ZFHX3: variants seen among roughly 807,000 people sequenced by gnomAD.
ZFHX3 encodes the protein zinc finger homeobox protein 3.
ZFHX3 carries 42 observed loss-of-function variants against 279.1 expected under a neutral mutation model. The ratio of observed to expected loss-of-function variants is 0.15; its 90% CI spans 0.12 to 0.19. ZFHX3 has a LOEUF of 0.19. Among genes scored for constraint, ZFHX3 ranks in the 10% least tolerant of loss-of-function variants. The pLI, the probability that ZFHX3 is intolerant of heterozygous loss-of-function variation, is 1.00. For synonymous variants in ZFHX3, 2,293 were observed against 1,957.8 expected, an observed-to-expected ratio of 1.17 and a Z score of -4.52; for missense variants, 4,981 against 4,754.0, an observed-to-expected ratio of 1.05 and a Z score of -1.40.
intron 1 of ZFHX3, among the ~76,000 whole-genome samples, chr16:73,006,454 T>G (rs530686831): frequency 6.6e-6 from 1 of 151,308 alleles, no homozygotes; most frequent in Admixed American, 6.6e-5. Context: ...GAGACCCCAA[T>G]CTCTATGAAA....
At position 73,667,387 on chromosome 16, in the gene ZFHX3, C is replaced by T. The variant is rs545223721; in HGVS notation, c.-1547+12793G>A. Among the ~76,000 whole-genome samples, 23 of 152,296 alleles carry T rather than the reference C, an allele frequency of 1.5e-4. No individual in the cohort carries two copies. In the East Asian group the frequency reaches 1.7e-3, roughly 11 times the overall value. On this transcript the variant is annotated intron_variant, in intron 2 of 17. Transcript: ENST00000641206. ...TAAAGCCACTGTAAATGTTAACATA[C>T]GCTTTTGTGTGAACATAAGTTTTTA... is the stretch of plus-strand genomic sequence containing the variant.
At chr16:73,787,401 T>G (rs1469024675) in intron 1 of ZFHX3, among the ~76,000 whole-genome samples, 1 of 152,174 alleles carries the variant, frequency 6.6e-6, no homozygotes, top group Admixed American at 6.5e-5. Context: ...AGCGGCCCCA[T>G]GCGTCCCATT....
At chr16:72,942,886 T>C (rs1161190127) in intron 3 of ZFHX3, among the ~76,000 whole-genome samples, 1 of 152,302 alleles carries the variant, frequency 6.6e-6, no homozygotes, top group Middle Eastern at 3.4e-3. Flanking sequence ...AAATTTTCTT[T>C]TGGGGAACAT....
intron 3 of ZFHX3, among the ~76,000 whole-genome samples, chr16:73,373,529 C>T (rs1379953248): frequency 6.6e-6 from 1 of 152,156 alleles, no homozygotes; most frequent in Non-Finnish European, 1.5e-5. Context: ...GGATCCTGTC[C>T]CCTTCCAGTT....
At chr16:73,860,434 G>GAGTA (rs999902122) in intron 1 of ZFHX3, among the ~76,000 whole-genome samples, 1 of 151,012 alleles carries the variant, frequency 6.6e-6, no homozygotes, top group African/African-American at 2.4e-5. Flanking sequence ...CAATCACGAG[G>GAGTA]AGTAGTAAAG....
intron 3 of ZFHX3, among the ~76,000 whole-genome samples, chr16:73,430,909 T>C (rs536294058): frequency 2.6e-5 from 4 of 152,342 alleles, no homozygotes; most frequent in Admixed American, 2.6e-4. Context: ...GCCCAGCACA[T>C]TGTTGGGACA....
At chr16:73,166,117 G>C (rs1967358869) in intron 5 of ZFHX3, among the ~76,000 whole-genome samples, 1 of 152,156 alleles carries the variant, frequency 6.6e-6, no homozygotes, top group African/African-American at 2.4e-5. Context: ...AGTCGCATTG[G>C]ACCTAAGTAA....
chr16:73,375,928 G>A (rs960661118), intron 3 of ZFHX3, among the ~76,000 whole-genome samples: 3 of 152,010 alleles, frequency 2.0e-5, no homozygotes, highest in Admixed American at 1.3e-4. Context: ...TACACCGTTG[G>A]GTTCATTTAT....
At chr16:72,880,781 A>G (rs1174828987) in intron 4 of ZFHX3, among the ~76,000 whole-genome samples, 1 of 152,230 alleles carries the variant, frequency 6.6e-6, no homozygotes, top group African/African-American at 2.4e-5. Flanking sequence ...ACATATACAC[A>G]AAAGGTCTCA....
chr16:72,852,968 T>G (rs1204358269), intron 4 of ZFHX3, among the ~76,000 whole-genome samples: 1 of 152,224 alleles, frequency 6.6e-6, no homozygotes, highest in Non-Finnish European at 1.5e-5. Flanking sequence ...CTCATGGAAC[T>G]TACCCTCCAG....
At chr16:72,963,305 C>T (rs1360165722) in intron 1 of ZFHX3, among the ~76,000 whole-genome samples, 1 of 152,162 alleles carries the variant, frequency 6.6e-6, no homozygotes, top group African/African-American at 2.4e-5. Context: ...CTGCTGGTGG[C>T]ACCCGGAACT....
intron 3 of ZFHX3, among the ~76,000 whole-genome samples, chr16:73,392,194 T>C (rs1026401164): frequency 6.6e-6 from 1 of 151,436 alleles, no homozygotes; most frequent in African/African-American, 2.4e-5. Flanking sequence ...CTGAGGTGGG[T>C]GGTTCACTTG....
rs1193196833 is a variant in ZFHX3, at chr16:73,804,746, CTG to C, written c.-1608+86903_-1608+86904del. On this transcript the variant is annotated intron_variant, in intron 1 of 17. Coordinates refer to the ZFHX3 transcript ENST00000641206. ...GCTTCTATTTCATTTGGGGTGAAAA[CTG>C]TGAATACTTCACCTTTCTGACATAT... Among the ~76,000 whole-genome samples, 5 of 152,080 alleles carry C rather than the reference CTG, an allele frequency of 3.3e-5. No homozygotes were observed. In the East Asian group the frequency reaches 9.6e-4, roughly 29 times the overall value.
At chr16:73,026,694 A>AAAC (rs1433428151) in intron 1 of ZFHX3, among the ~76,000 whole-genome samples, 1 of 138,324 alleles carries the variant, frequency 7.2e-6, no homozygotes, top group East Asian at 2.0e-4. Context: ...AAAAAAAAAA[A>AAAC]ACACATAGTA....
intron 3 of ZFHX3, among the ~76,000 whole-genome samples, chr16:73,447,075 G>T (rs1325939693): frequency 1.3e-5 from 2 of 151,704 alleles, no homozygotes; most frequent in African/African-American, 4.8e-5. Context: ...CAGCTACTCG[G>T]GAGGCTGAGG....
intron 3 of ZFHX3, among the ~76,000 whole-genome samples, chr16:73,415,757 C>T (rs112443672): frequency 1.4e-4 from 21 of 152,286 alleles, no homozygotes; most frequent in African/African-American, 2.9e-4. Context: ...GATTCCATCA[C>T]AACCCAGCTG....
chr16:73,376,000 T>C (rs916621220), intron 3 of ZFHX3, among the ~76,000 whole-genome samples: 1 of 152,234 alleles, frequency 6.6e-6, no homozygotes. Flanking sequence ...TATACCTCTG[T>C]AAATATTTAC....
chr16:73,292,298 T>G (rs2014792063), intron 4 of ZFHX3, among the ~76,000 whole-genome samples: 1 of 152,120 alleles, frequency 6.6e-6, no homozygotes, highest in Admixed American at 6.6e-5. Context: ...TATAGATATT[T>G]CTCCAGGGTG....
rs1354650686 is a variant in ZFHX3 at position 73,054,081 on chromosome 16, CAGA to C, written c.-24+4446_-24+4448del. Reference sequence around the variant, plus strand: ...GGGCTGGGGGGAGGAGTGATAAAACCAGAAGGAGCCCAAAACCCAGTTACTACT... The same window carrying C: ...GGGCTGGGGGGAGGAGTGATAAAACCAGGAGCCCAAAACCCAGTTACTACT... On this transcript the variant is annotated intron_variant, in intron 1 of 8. Coordinates refer to the ZFHX3 transcript ENST00000397992. Among the ~76,000 whole-genome samples the C allele has an allele frequency of 3.3e-5, 5 of 152,064 alleles. No homozygotes were observed. The East Asian group carries it at 9.7e-4, about 29-fold the overall frequency.
Sources: allele counts gnomAD v4.1 joint callset (sites outside exome capture counted in the v4.1 genomes callset), GRCh38; gene constraint gnomAD v4.1.1; transcripts MANE v1.5; gene names NCBI Gene and HGNC (gene_info 2026-07-23, HGNC 2026-07-21).